Variants in PTPRC observed in about 807,000 individuals in gnomAD.
PTPRC encodes the protein receptor-type tyrosine-protein phosphatase C.
Under a neutral mutation model 155.9 loss-of-function variants are expected in PTPRC, and 44 were observed. The ratio of observed to expected loss-of-function variants is 0.28; its 90% CI spans 0.22 to 0.36. The LOEUF is 0.36. PTPRC is among the 10% of genes least tolerant of loss of function. The pLI, the probability that PTPRC is intolerant of heterozygous loss-of-function variation, is 1.00. For missense variants in PTPRC, 1,401 were observed against 1,564.6 expected (o/e 0.90, Z 1.76); for synonymous variants, 525 against 533.1 (o/e 0.98, Z 0.21).
chr1:198,750,605 A>C lies in PTPRC; in HGVS notation c.3186A>C (p.Thr1062=), dbSNP rs759309815. The part of the protein sequence containing the change: ...QRKVKVIVML[T]ELKHGDQEIC... ...AAGTCAAAGTTATTGTTATGCTGACAGAACTGAAACATGGAGACCAGGTTT... is the reference window on the plus strand; with the variant it reads ...AAGTCAAAGTTATTGTTATGCTGACCGAACTGAAACATGGAGACCAGGTTT... Residue 1062 remains threonine (T), a synonymous_variant, in exon 29 of 33, where the codon ACA becomes ACC. Coordinates refer to ENST00000442510, the MANE Select transcript of PTPRC (RefSeq NM_002838.5). 1 of 1,612,794 alleles carries C rather than the reference A, an allele frequency of 6.2e-7. No individual in the cohort carries two copies. Among genetic ancestry groups the C allele is most frequent in the Non-Finnish European group, 8.5e-7 (1 of 1,179,132 alleles).
At chr1:198,692,587 T>A in intron 3 of PTPRC, 1 of 1,037,316 alleles carries the variant, frequency 9.6e-7, no homozygotes, top group Non-Finnish European at 1.2e-6. Context: ...TTTGTATATA[T>A]ATTTTGTGTA....
At chr1:198,694,878 G>A (rs1359660591) in intron 3 of PTPRC, 7 of 967,120 alleles carry the variant, frequency 7.2e-6, no homozygotes, top group Non-Finnish European at 8.6e-6. Flanking sequence ...GAAGACTAGA[G>A]GTAGTTACTA....
At position 198,742,308 on chromosome 1, in the gene PTPRC, G is replaced by C; in HGVS notation, c.2638G>C (p.Asp880His). Residue 880 changes from aspartate (D) to histidine (H), a missense_variant, in exon 25 of 33, where the codon GAT becomes CAT. Physicochemically the swap from Asp to His is moderately conservative, Grantham distance 81. Coordinates refer to ENST00000442510, the MANE Select transcript of PTPRC (RefSeq NM_002838.5). ...AGGCCTGGAAGCCGAGAACAAAGTG[G>C]ATGTTTATGGTTATGTTGTCAAGCT... ...LEGLEAENKV[D>H]VYGYVVKLRR... The C allele has an allele frequency of 6.2e-7, 1 of 1,612,386 alleles. No homozygotes were observed.
chr1:198,660,890 A>C (rs866216367), intron 2 of PTPRC, among the ~76,000 whole-genome samples: 2 of 152,156 alleles, frequency 1.3e-5, no homozygotes, highest in Non-Finnish European at 2.9e-5. Context: ...CTTAGCTGCT[A>C]ACTTTCACAC....
At chr1:198,692,898 T>TAAGTAATGCACAATTC in intron 3 of PTPRC, 1 of 897,240 alleles carries the variant, frequency 1.1e-6, no homozygotes, top group Non-Finnish European at 1.3e-6. Flanking sequence ...CTTATAAATG[T>TAAGTAATGCACAATTC]CTTAATCATG....
intron 12 of PTPRC, among the ~76,000 whole-genome samples, chr1:198,714,227 T>C (rs562680979): frequency 6.6e-6 from 1 of 152,194 alleles, no homozygotes; most frequent in Non-Finnish European, 1.5e-5. Flanking sequence ...TTCTATTCAC[T>C]ATCCCTTTCT....
At chr1:198,720,307 T>A (rs2102451782) in intron 14 of PTPRC, among the ~76,000 whole-genome samples, 1 of 152,296 alleles carries the variant, frequency 6.6e-6, no homozygotes, top group Non-Finnish European at 1.5e-5. Flanking sequence ...CCTGTTTTTC[T>A]GTATCATATA....
chr1:198,720,876 C>T (rs1653853658), intron 14 of PTPRC, among the ~76,000 whole-genome samples: 1 of 152,130 alleles, frequency 6.6e-6, no homozygotes, highest in Non-Finnish European at 1.5e-5. Context: ...ACTGCTTCTC[C>T]AGTGCCCATT....
At chr1:198,645,546 G>T (rs1194942228) in intron 2 of PTPRC, among the ~76,000 whole-genome samples, 1 of 151,658 alleles carries the variant, frequency 6.6e-6, no homozygotes, top group Non-Finnish European at 1.5e-5. Flanking sequence ...TCTATAAAGT[G>T]TTGTAAGCAT....
chr1:198,697,527 A>G (rs1183126626), intron 4 of PTPRC, among the ~76,000 whole-genome samples: 4 of 152,206 alleles, frequency 2.6e-5, no homozygotes, highest in African/African-American at 9.7e-5. Context: ...GATGCAAGAG[A>G]TATTTTTGCC....
chr1:198,743,617 T>C (rs1406784346), intron 25 of PTPRC, among the ~76,000 whole-genome samples: 1 of 151,858 alleles, frequency 6.6e-6, no homozygotes, highest in Non-Finnish European at 1.5e-5. Flanking sequence ...ACTTTTCTTA[T>C]TTTAAGTTCT....
At chr1:198,706,188 AC>A (rs1209869896) in intron 8 of PTPRC, among the ~76,000 whole-genome samples, 1 of 152,246 alleles carries the variant, frequency 6.6e-6, no homozygotes, top group African/African-American at 2.4e-5. Context: ...TTGACACTAA[AC>A]AAAGGTGCTT....
chr1:198,693,739 T>G lies in PTPRC; in HGVS notation c.100+1366T>G, dbSNP rs539545362. ...GTGGAATTGGCAATTGAGTCAGGTT[T>G]TCTAATTTTAAATTCTTATTTGTGA... On this transcript the variant is annotated intron_variant, in intron 3 of 32. Transcript: ENST00000442510. Among the ~76,000 whole-genome samples, 4 of 152,332 alleles carry G rather than the reference T, an allele frequency of 2.6e-5. No individual in the cohort carries two copies. The South Asian group carries it at 8.3e-4, about 32-fold the overall frequency.
At chr1:198,708,003 T>C in intron 9 of PTPRC, 130 bp from the exon 10 acceptor site, 1 of 783,294 alleles carries the variant, frequency 1.3e-6, no homozygotes, top group Middle Eastern at 2.6e-4. Flanking sequence ...CATAGCAATC[T>C]CAATCCTTGC....
chr1:198,657,527 T>TAAAAC (rs1375277722), intron 2 of PTPRC: 1 of 152,192 alleles, frequency 6.6e-6, no homozygotes, highest in African/African-American at 2.4e-5. Flanking sequence ...AATTATTATT[T>TAAAAC]AAAACAAAAC....
At position 198,744,210 on chromosome 1, in the gene PTPRC, A is replaced by G. The variant is rs767789372; in HGVS notation, c.2847+7A>G. ...ACTAGAGGCTGAATTCCAGGTAATG[A>G]TAGTGACAACAATAATAATAATTAC... On this transcript the variant is annotated splice_region_variant and intron_variant, in intron 26 of 32. Coordinates refer to ENST00000442510, the MANE Select transcript of PTPRC (RefSeq NM_002838.5). 3 of 1,597,180 alleles carry G rather than the reference A, an allele frequency of 1.9e-6. No homozygotes were observed. The highest frequency in any genetic ancestry group is 2.3e-5 in the East Asian group (1 of 44,256).
At chr1:198,735,382 T>A in intron 23 of PTPRC, 130 bp downstream of exon 23, 1 of 880,244 alleles carries the variant, frequency 1.1e-6, no homozygotes, top group Non-Finnish European at 1.7e-6. Flanking sequence ...ATGAAAGCTG[T>A]GGTTAGAACA....
intron 22 of PTPRC, 138 bp downstream of exon 22, chr1:198,734,563 T>G: frequency 6.2e-6 from 5 of 808,454 alleles, no homozygotes; most frequent in Non-Finnish European, 1.0e-5. Context: ...TAACATTTAA[T>G]TTAAAATTTT....
intron 26 of PTPRC, among the ~76,000 whole-genome samples, chr1:198,747,661 G>C (rs1235906943): frequency 6.6e-6 from 1 of 151,804 alleles, no homozygotes; most frequent in Non-Finnish European, 1.5e-5. Context: ...GTGGGTGAGA[G>C]GAAAGCAATC....
Sources: gnomAD v4.1 joint callset for allele counts (sites outside exome capture counted in the v4.1 genomes callset) on GRCh38, gnomAD v4.1.1 for gene constraint, MANE v1.5 for transcripts, NCBI Gene and HGNC (gene_info 2026-07-23, HGNC 2026-07-21) for gene names.